Variants in PCDHGB2 observed in about 807,000 individuals in gnomAD.
The protein encoded by PCDHGB2 is protocadherin gamma-B2.
In PCDHGB2, 55 loss-of-function variants were observed where a neutral mutation model predicts 59.3. The ratio of observed to expected loss-of-function variants is 0.93; its 90% CI spans 0.75 to 1.16. PCDHGB2 has a LOEUF of 1.16. Among genes scored for constraint, PCDHGB2 ranks in the 50% most tolerant of loss-of-function variants. PCDHGB2 has a pLI of 0.00. For synonymous variants in PCDHGB2, 516 were observed against 512.0 expected, an observed-to-expected ratio of 1.01 and a Z score of -0.11; for missense variants, 1,228 against 1,198.5, an observed-to-expected ratio of 1.02 and a Z score of -0.36.
At chr5:141,436,294 G>A (rs1205368824) in intron 1 of PCDHGB2, among the ~76,000 whole-genome samples, 1 of 152,142 alleles carries the variant, frequency 6.6e-6, no homozygotes, top group Non-Finnish European at 1.5e-5. Context: ...AAATCATTGA[G>A]AGTTAGAGCA....
intron 1 of PCDHGB2, among the ~76,000 whole-genome samples, chr5:141,467,951 A>G (rs2099155044): frequency 6.6e-6 from 1 of 151,944 alleles, no homozygotes; most frequent in East Asian, 1.9e-4. Context: ...GAGCCACCAC[A>G]CCCGGCTGCC....
intron 3 of PCDHGB2, among the ~76,000 whole-genome samples, chr5:141,509,596 G>A (rs538867815): frequency 1.3e-5 from 2 of 152,258 alleles, no homozygotes; most frequent in Admixed American, 6.5e-5. Context: ...TGGCAATTCC[G>A]AGAGGCTGCA....
chr5:141,399,867 C>T (rs766258677), intron 1 of PCDHGB2: 17 of 1,612,738 alleles, frequency 1.1e-5, no homozygotes, highest in South Asian at 3.3e-5. Context: ...CTGCAGAGCC[C>T]GGCTACCTGG....
intron 1 of PCDHGB2, chr5:141,417,508 TATTTTGGCTGTCAACTCGTAG>T: frequency 4.2e-6 from 1 of 237,898 alleles, no homozygotes; most frequent in East Asian, 9.1e-5. Flanking sequence ...AAGATTAAAA[TATTTTGGCTGTCAACTCGTAG>T]TTTAAAAAAA....
At chr5:141,387,714 A>G in intron 1 of PCDHGB2, 1 of 1,059,158 alleles carries the variant, frequency 9.4e-7, no homozygotes, top group East Asian at 2.6e-5. Context: ...GCCCCAGCTC[A>G]GACTCCCCAG....
chr5:141,484,512 G>A (rs1178383152), intron 1 of PCDHGB2, among the ~76,000 whole-genome samples: 47 of 152,196 alleles, frequency 3.1e-4, no homozygotes, highest in Non-Finnish European at 4.0e-4. Context: ...TTCTGCAGAA[G>A]GGCAGAGTTT....
At chr5:141,474,041 GC>G (rs1242668125) in intron 1 of PCDHGB2, among the ~76,000 whole-genome samples, 3 of 152,140 alleles carry the variant, frequency 2.0e-5, no homozygotes. Context: ...CTGTACTCCA[GC>G]CTGGATGACA....
intron 1 of PCDHGB2, chr5:141,393,806 CA>C (rs1489692597): frequency 6.2e-7 from 1 of 1,613,866 alleles, no homozygotes; most frequent in Non-Finnish European, 8.5e-7. Context: ...TGGGGAGGAC[CA>C]AATTGCTCAT....
In PCDHGB2 at chr5:141,366,622, G is replaced by GC. The variant is rs757320555; in HGVS notation, c.2421+4066_2421+4067insC. The GC allele has an allele frequency of 1.3e-5, 21 of 1,614,240 alleles. No individual in the cohort carries two copies. The East Asian group carries it at 4.5e-4, about 34-fold the overall frequency. On this transcript the variant is annotated intron_variant, in intron 1 of 3. Coordinates refer to ENST00000522605, the MANE Select transcript of PCDHGB2 (RefSeq NM_018923.3). The stretch of plus-strand genomic sequence containing the variant: ...AGGTCTCCCTCACCGCGGACTCGAG[G>GC]AAGAGTCACCTGATCTTTCCCCAGC...
At position 141,487,943 on chromosome 5, in the gene PCDHGB2, A is replaced by C. The variant is rs2099669443; in HGVS notation, c.2422-6864A>C. ...TACAGTGCACAGGGTACAGTGCACCAGGCAGTCACTTGGACAAAGGTGGCT... is the reference window on the plus strand; with the variant it reads ...TACAGTGCACAGGGTACAGTGCACCCGGCAGTCACTTGGACAAAGGTGGCT... On this transcript the variant is annotated intron_variant, in intron 1 of 3. Coordinates refer to ENST00000522605, the MANE Select transcript of PCDHGB2 (RefSeq NM_018923.3). The surrounding 1 kb of genome is among the most constrained non-coding windows in gnomAD (Gnocchi z 5.0). Among the ~76,000 whole-genome samples, 1 of 152,220 alleles carries C rather than the reference A, an allele frequency of 6.6e-6. No homozygotes were observed.
rs1173306822 is a variant in PCDHGB2 at position 141,431,115 on chromosome 5, T to C, written c.2422-63692T>C. The C allele has an allele frequency of 9.3e-6, 15 of 1,613,492 alleles. No individual in the cohort carries two copies. The highest frequency in any genetic ancestry group is 1.3e-5 in the Non-Finnish European group (15 of 1,179,878). On this transcript the variant is annotated intron_variant, in intron 1 of 3. Coordinates refer to ENST00000522605, the MANE Select transcript of PCDHGB2 (RefSeq NM_018923.3). The surrounding 1 kb of genome is among the most constrained non-coding windows in gnomAD (Gnocchi z 4.8). The stretch of plus-strand genomic sequence containing the variant: ...GAGGATAAAGTGAAAATATATGGAG[T>C]AGAAGTAGAAGTAAGGGACATTAAC...
At position 141,360,645 on chromosome 5, in the gene PCDHGB2, C is replaced by T; in HGVS notation, c.510C>T (p.Tyr170=). Residue 170 remains tyrosine, a synonymous_variant, in exon 1 of 4, where the codon TAC becomes TAT. Transcript: ENST00000522605. ...SDVGPNSLQR[Y]HLNDNEYFDL... Reference sequence around the variant, plus strand: ...TTGGTCCTAACTCACTACAAAGATACCACCTTAATGACAACGAGTACTTTG... The same window carrying T: ...TTGGTCCTAACTCACTACAAAGATATCACCTTAATGACAACGAGTACTTTG... 1.9e-6 allele frequency: 3 copies of T among 1,613,980 alleles called. No individual in the cohort carries two copies. The highest frequency in any genetic ancestry group is 2.5e-6 in the Non-Finnish European group (3 of 1,179,902).
chr5:141,478,434 T>C (rs747890986), intron 1 of PCDHGB2: 2 of 1,613,700 alleles, frequency 1.2e-6, no homozygotes, highest in East Asian at 2.2e-5. Flanking sequence ...GACCCGCTGC[T>C]GAAGAAACCT....
chr5:141,510,426 T>C (rs983368750), intron 3 of PCDHGB2, among the ~76,000 whole-genome samples: 1 of 152,084 alleles, frequency 6.6e-6, no homozygotes, highest in African/African-American at 2.4e-5. Flanking sequence ...CATGGTTTCA[T>C]GGCTGCTGCC....
Position 141,361,785 on chromosome 5 carries a change from G to A in PCDHGB2, c.1650G>A (p.Val550=). 6.2e-7 allele frequency: 1 copy of A among 1,613,268 alleles called. No homozygotes were observed. The highest frequency in any genetic ancestry group is 1.7e-5 in the Admixed American group (1 of 60,024). ...PALSANVSLR[V]LVGDLNDNAP... Reference sequence around the variant, plus strand: ...TCAGCGCCAACGTGAGCCTGCGCGTGTTAGTGGGCGACCTCAATGACAATG... The same window carrying A: ...TCAGCGCCAACGTGAGCCTGCGCGTATTAGTGGGCGACCTCAATGACAATG... The change falls in exon 1 of 4, where the codon GTG becomes GTA. Residue 550 remains valine (V), a synonymous_variant. Transcript: ENST00000522605.
intron 1 of PCDHGB2, chr5:141,400,082 C>A: frequency 1.2e-6 from 2 of 1,614,016 alleles, no homozygotes; most frequent in Non-Finnish European, 1.7e-6. Flanking sequence ...CCACTCTCCG[C>A]CACCGCCACG....
intron 2 of PCDHGB2, among the ~76,000 whole-genome samples, chr5:141,499,612 C>T (rs1489412444): frequency 6.6e-6 from 1 of 151,968 alleles, no homozygotes; most frequent in African/African-American, 2.4e-5. Context: ...TACCCTTATC[C>T]TGTCCTTGGA....
intron 1 of PCDHGB2, among the ~76,000 whole-genome samples, chr5:141,449,607 A>G (rs1279835785): frequency 1.3e-5 from 2 of 149,984 alleles, no homozygotes; most frequent in African/African-American, 4.9e-5. Flanking sequence ...AAAAAAAAAA[A>G]GTAAAAAAGT....
At chr5:141,403,317 A>G (rs576274199) in intron 1 of PCDHGB2, 2 of 1,613,974 alleles carry the variant, frequency 1.2e-6, no homozygotes, top group South Asian at 2.2e-5. Flanking sequence ...ATAGAAATAG[A>G]AGTAACTGAT....
Sources: allele counts gnomAD v4.1 joint callset (sites outside exome capture counted in the v4.1 genomes callset), GRCh38; gene constraint gnomAD v4.1.1; non-coding constraint Gnocchi (gnomAD v3.1); transcripts MANE v1.5; gene names NCBI Gene and HGNC (gene_info 2026-07-23, HGNC 2026-07-21).